The following HIVEP3 variants were observed in gnomAD, a reference collection of about 807,000 sequenced individuals.
HIVEP3 encodes the protein HIVEP zinc finger 3, also known as transcription factor HIVEP3.
In HIVEP3, 49 loss-of-function variants were observed where a neutral mutation model predicts 152.8. The observed-to-expected ratio is 0.32, with a 90% confidence interval of 0.26 to 0.41. HIVEP3 has a LOEUF of 0.41. Among genes scored for constraint, HIVEP3 ranks in the 10% least tolerant of loss-of-function variants. HIVEP3 has a pLI of 1.00. For missense variants in HIVEP3, 2,790 were observed against 3,103.3 expected, an observed-to-expected ratio of 0.90 and a Z score of 2.40; for synonymous variants, 1,269 against 1,289.0, an observed-to-expected ratio of 0.98 and a Z score of 0.33.
At chr1:41,964,259 G>A (rs148509785) in intron 1 of HIVEP3, among the ~76,000 whole-genome samples, 77 of 152,268 alleles carry the variant, frequency 5.1e-4, no homozygotes, top group African/African-American at 1.6e-3. Context: ...TGTGACCCAC[G>A]CAGAGCGAGG....
intron 2 of HIVEP3, among the ~76,000 whole-genome samples, chr1:41,656,693 T>A (rs191749324): frequency 1.9e-4 from 29 of 152,284 alleles, no homozygotes; most frequent in African/African-American, 6.7e-4. Flanking sequence ...TACATGCTCA[T>A]CTCAACTAAC....
intron 1 of HIVEP3, among the ~76,000 whole-genome samples, chr1:41,795,888 T>C (rs2124305101): frequency 1.3e-5 from 2 of 152,286 alleles, no homozygotes; most frequent in Admixed American, 6.5e-5. Context: ...TTTTTGTGTG[T>C]TTGCTTTTTG....
At chr1:41,665,936 A>C (rs561223576) in intron 2 of HIVEP3, among the ~76,000 whole-genome samples, 3 of 152,262 alleles carry the variant, frequency 2.0e-5, no homozygotes, top group Non-Finnish European at 4.4e-5. Context: ...AGGGACCAGC[A>C]CAGTGTGTTG....
At position 41,996,516 on chromosome 1, in the gene HIVEP3, G is replaced by A. The variant is rs1645396933; in HGVS notation, n.119+39291C>T. Among the ~76,000 whole-genome samples, 2 of 152,124 alleles carry A rather than the reference G, an allele frequency of 1.3e-5. 1 individual carries two copies. Among genetic ancestry groups the A allele is most frequent in the South Asian group, 4.2e-4 (2 of 4,816 alleles). On this transcript the variant is annotated intron_variant and non_coding_transcript_variant, in intron 1 of 3. Transcript: ENST00000489103. ...TGGGCTGGGGTGGCTCAAAGGTGGGGCTCCTTTGAGCAGCTGACCAGAGCA... is the reference window on the plus strand; with the variant it reads ...TGGGCTGGGGTGGCTCAAAGGTGGGACTCCTTTGAGCAGCTGACCAGAGCA...
intron 2 of HIVEP3, among the ~76,000 whole-genome samples, chr1:41,658,219 T>G (rs1645657800): frequency 6.6e-6 from 1 of 152,192 alleles, no homozygotes; most frequent in South Asian, 2.1e-4. Context: ...AATTCTAAGA[T>G]TCTCAACCAA....
At chr1:41,625,886 T>C (rs980081051) in intron 3 of HIVEP3, among the ~76,000 whole-genome samples, 2 of 152,224 alleles carry the variant, frequency 1.3e-5, no homozygotes, top group African/African-American at 4.8e-5. Context: ...TCATAAACCA[T>C]CATTTTAACC....
At chr1:41,887,330 C>G (rs1047390270) in intron 1 of HIVEP3, among the ~76,000 whole-genome samples, 1 of 152,142 alleles carries the variant, frequency 6.6e-6, no homozygotes, top group Non-Finnish European at 1.5e-5. Context: ...TTTTCTTATT[C>G]TAAATAAATA....
chr1:41,531,864 A>AAGAC, intron 5 of HIVEP3, among the ~76,000 whole-genome samples: 1 of 118,604 alleles, frequency 8.4e-6, no homozygotes, highest in African/African-American at 3.4e-5. Context: ...CGGGAGATGG[A>AAGAC]GGACAGGAGA....
intron 2 of HIVEP3, among the ~76,000 whole-genome samples, chr1:41,638,244 T>G (rs1366667026): frequency 6.9e-5 from 3 of 43,774 alleles, no homozygotes; most frequent in Non-Finnish European, 1.2e-4. Context: ...GACAGAGAAA[T>G]AAAGAAAGAG....
intron 1 of HIVEP3, among the ~76,000 whole-genome samples, chr1:41,770,654 A>G (rs1648294801): frequency 6.6e-6 from 1 of 152,194 alleles, no homozygotes; most frequent in Admixed American, 6.5e-5. Flanking sequence ...AACATTACGC[A>G]AACCCAAGGT....
intron 2 of HIVEP3, among the ~76,000 whole-genome samples, chr1:41,642,152 T>C (rs1489115723): frequency 1.3e-5 from 2 of 152,224 alleles, no homozygotes; most frequent in East Asian, 3.8e-4. Flanking sequence ...AGCAACAGCG[T>C]CTGCACTGTC....
At chr1:41,977,152 T>A (rs554527578) in intron 1 of HIVEP3, among the ~76,000 whole-genome samples, 17 of 152,218 alleles carry the variant, frequency 1.1e-4, no homozygotes, top group African/African-American at 4.1e-4. Context: ...GAGTGTGTTA[T>A]AACAGCGTGA....
At chr1:41,657,423 G>A (rs1208424135) in intron 2 of HIVEP3, among the ~76,000 whole-genome samples, 1 of 152,208 alleles carries the variant, frequency 6.6e-6, no homozygotes, top group Non-Finnish European at 1.5e-5. Context: ...TTAGGAAGAT[G>A]GCGGAGCTGG....
At chr1:41,663,779 G>A (rs1275637760) in intron 2 of HIVEP3, among the ~76,000 whole-genome samples, 2 of 152,128 alleles carry the variant, frequency 1.3e-5, no homozygotes, top group African/African-American at 2.4e-5. Context: ...GCACACTCAC[G>A]TACACGATTG....
chr1:41,663,308 T>A (rs1645747695), intron 2 of HIVEP3, among the ~76,000 whole-genome samples: 1 of 152,122 alleles, frequency 6.6e-6, no homozygotes, highest in Non-Finnish European at 1.5e-5. Context: ...ACAATGGAGC[T>A]GGGGGTCGGG....
intron 1 of HIVEP3, among the ~76,000 whole-genome samples, chr1:41,868,350 CCTG>C (rs1644019345): frequency 6.6e-6 from 1 of 151,972 alleles, no homozygotes; most frequent in Non-Finnish European, 1.5e-5. Context: ...GACAGGATGC[CCTG>C]CTGATGGGTG....
intron 1 of HIVEP3, among the ~76,000 whole-genome samples, chr1:41,740,185 G>A (rs1188284226): frequency 6.6e-6 from 1 of 152,240 alleles, no homozygotes; most frequent in Non-Finnish European, 1.5e-5. Context: ...TGGCAATGGT[G>A]TGGCCACTGC....
chr1:41,953,162 C>T (rs907088161), intron 1 of HIVEP3, among the ~76,000 whole-genome samples: 2 of 152,204 alleles, frequency 1.3e-5, no homozygotes, highest in Non-Finnish European at 2.9e-5. Flanking sequence ...GCCTTGAAAA[C>T]TCCTATTCAC....
At position 41,581,911 on chromosome 1, in the gene HIVEP3, A is replaced by G. The variant is rs1234726433; in HGVS notation, c.2887T>C (p.Ser963Pro). The change falls in exon 4 of 9, where the codon TCA (serine) becomes CCA (proline). Residue 963 changes from serine to proline, a missense_variant. By Grantham distance (74) the Ser-to-Pro change is moderately conservative (BLOSUM62 -1). This residue lies in a region of HIVEP3 where 1,078 missense variants were observed against 1,165.3 expected (regional missense o/e 0.93). Coordinates refer to ENST00000372583, the MANE Select transcript of HIVEP3 (RefSeq NM_024503.5). This position sits in a 1 kb window ranked among gnomAD's most constrained non-coding sequence, Gnocchi z 4.5. ...DHGKAEAPSP[S>P]SDMRPKPLGT... ...AGGGGTTTGGGGCGCATGTCAGATGAGGGACTGGGGGCCTCGGCTTTCCCA... is the reference window on the plus strand; with the variant it reads ...AGGGGTTTGGGGCGCATGTCAGATGGGGGACTGGGGGCCTCGGCTTTCCCA... 6.2e-7 allele frequency: 1 copy of G among 1,613,958 alleles called. No individual in the cohort carries two copies. The highest frequency in any genetic ancestry group is 2.2e-5 in the East Asian group (1 of 44,872).
Sources: gnomAD v4.1 joint callset for allele counts (sites outside exome capture counted in the v4.1 genomes callset) on GRCh38, gnomAD v4.1.1 for gene constraint, gnomAD v4.1.1 regional missense constraint, Gnocchi (gnomAD v3.1) non-coding constraint, MANE v1.5 for transcripts, NCBI Gene and HGNC (gene_info 2026-07-23, HGNC 2026-07-21) for gene names.